The following CDK19 variants were observed in gnomAD, a reference collection of about 807,000 sequenced individuals.
CDK19 encodes cyclin dependent kinase 19.
In CDK19, 20 loss-of-function variants were observed where a neutral mutation model predicts 68.3. The observed-to-expected ratio is 0.29, with a 90% confidence interval of 0.21 to 0.43. The LOEUF (loss-of-function observed/expected upper bound fraction) is 0.43, where lower values mean the gene tolerates loss of function less well. Ranked by LOEUF, CDK19 falls within the 20% of genes least tolerant of loss-of-function variation. The pLI is 1.00. For missense variants in CDK19, 339 were observed against 623.5 expected, an observed-to-expected ratio of 0.54 and a Z score of 4.86; for synonymous variants, 221 against 222.8, an observed-to-expected ratio of 0.99 and a Z score of 0.07.
chr6:110,682,345 G>A (rs913206173), intron 2 of CDK19, among the ~76,000 whole-genome samples: 1 of 152,086 alleles, frequency 6.6e-6, no homozygotes, highest in African/African-American at 2.4e-5. Flanking sequence ...AAGAACTGAA[G>A]GTAAATGAAG....
intron 1 of CDK19, among the ~76,000 whole-genome samples, chr6:110,785,943 G>A (rs1340507591): frequency 2.0e-5 from 3 of 151,134 alleles, no homozygotes. Flanking sequence ...TGAAGCCATT[G>A]CACCCCACCC....
chr6:110,663,636 G>A (rs983088909), intron 4 of CDK19, among the ~76,000 whole-genome samples: 1 of 152,156 alleles, frequency 6.6e-6, no homozygotes, highest in Non-Finnish European at 1.5e-5. Context: ...GGCTAAAGCA[G>A]TCCTCCCACT....
chr6:110,724,748 T>G (rs1776201422), intron 2 of CDK19, among the ~76,000 whole-genome samples: 1 of 152,232 alleles, frequency 6.6e-6, no homozygotes, highest in Admixed American at 6.5e-5. Context: ...AAAAGATCTC[T>G]TCTAAATTTA....
chr6:110,813,681 T>A (rs1371529050), intron 1 of CDK19: 1 of 150,452 alleles, frequency 6.6e-6, no homozygotes, highest in Admixed American at 6.6e-5. Flanking sequence ...CACTTTGCAA[T>A]TTTCACGATA....
chr6:110,777,819 G>A (rs1780517772), intron 1 of CDK19, among the ~76,000 whole-genome samples: 1 of 152,130 alleles, frequency 6.6e-6, no homozygotes, highest in Non-Finnish European at 1.5e-5. Flanking sequence ...TAAAAAGGAG[G>A]GAAATTCTGA....
Position 110,614,591 on chromosome 6 carries a change from A to T in CDK19, c.1453T>A (p.Ser485Thr). Reference protein sequence around the residue: ...SQSQSTLGYSSSSQQSSQYHP... With the variant: ...SQSQSTLGYSTSSQQSSQYHP... ...TACTGTGAGCTCTGCTGAGACGAGG[A>T]AGAGTAGCCAAGTGTGCTCTGGGAC... The change falls in exon 13 of 13, where the codon TCC (serine) becomes ACC (threonine). Residue 485 changes from serine to threonine, a missense_variant. Ser to Thr is a moderately conservative substitution (Grantham distance 58). This residue lies in a region of CDK19 where 155 missense variants were observed against 222.7 expected (regional missense o/e 0.70). Coordinates refer to ENST00000368911, the MANE Select transcript of CDK19 (RefSeq NM_015076.5). The T allele has an allele frequency of 6.2e-7, 1 of 1,613,948 alleles. No individual in the cohort carries two copies. Among genetic ancestry groups the T allele is most frequent in the Non-Finnish European group, 8.5e-7 (1 of 1,179,886 alleles).
chr6:110,762,244 T>C (rs1462975635), intron 1 of CDK19, among the ~76,000 whole-genome samples: 1 of 152,210 alleles, frequency 6.6e-6, no homozygotes, highest in African/African-American at 2.4e-5. Context: ...AAATATTCAC[T>C]GTTTTTGGCC....
At chr6:110,666,599 A>G (rs1039842968) in intron 4 of CDK19, among the ~76,000 whole-genome samples, 2 of 152,134 alleles carry the variant, frequency 1.3e-5, no homozygotes, top group African/African-American at 4.8e-5. Context: ...GATACTAACT[A>G]GATCCTTTCG....
chr6:110,811,543 C>A (rs942229293), intron 1 of CDK19, among the ~76,000 whole-genome samples: 1 of 152,044 alleles, frequency 6.6e-6, no homozygotes, highest in African/African-American at 2.4e-5. Flanking sequence ...CCACGGCGCC[C>A]GGCCAACAAA....
chr6:110,717,609 G>C (rs1312749460), intron 2 of CDK19, among the ~76,000 whole-genome samples: 2 of 152,144 alleles, frequency 1.3e-5, no homozygotes, highest in African/African-American at 2.4e-5. Context: ...AAAATTCCTG[G>C]TTACTATGGT....
chr6:110,760,519 A>G (rs1779162288), intron 1 of CDK19, among the ~76,000 whole-genome samples: 1 of 151,900 alleles, frequency 6.6e-6, no homozygotes, highest in Admixed American at 6.6e-5. Flanking sequence ...CTTGAGCCCA[A>G]GAGTTCAAGA....
At chr6:110,730,986 A>G (rs1582970896) in intron 2 of CDK19, among the ~76,000 whole-genome samples, 1 of 152,214 alleles carries the variant, frequency 6.6e-6, no homozygotes, top group Admixed American at 6.6e-5. Flanking sequence ...TGGGAGGCAG[A>G]GGTTGCAGTG....
intron 10 of CDK19, 116 bp downstream of exon 10, chr6:110,622,699 T>C: frequency 1.4e-6 from 1 of 701,744 alleles, no homozygotes; most frequent in Non-Finnish European, 2.6e-6. Flanking sequence ...GAGCAGTCTT[T>C]AGGTGGTATC....
At chr6:110,662,421 T>C (rs1343110687) in intron 4 of CDK19, among the ~76,000 whole-genome samples, 1 of 152,202 alleles carries the variant, frequency 6.6e-6, no homozygotes, top group Non-Finnish European at 1.5e-5. Flanking sequence ...GTTCAATTTA[T>C]ATCACTGATC....
At chr6:110,734,560 T>TCTCA (rs1474848572) in intron 2 of CDK19, among the ~76,000 whole-genome samples, 3 of 148,602 alleles carry the variant, frequency 2.0e-5, no homozygotes, top group African/African-American at 7.4e-5. Flanking sequence ...TCTCTCTCTC[T>TCTCA]CATGTCTGGG....
At chr6:110,626,932 A>G (rs1779127083) in intron 7 of CDK19, 70 bp downstream of exon 7, 2 of 1,447,808 alleles carry the variant, frequency 1.4e-6, no homozygotes, top group African/African-American at 1.4e-5. Flanking sequence ...ATACATTAAA[A>G]TATGCTTTTG....
intron 2 of CDK19, among the ~76,000 whole-genome samples, chr6:110,732,372 G>T (rs955123535): frequency 6.6e-6 from 1 of 152,102 alleles, no homozygotes; most frequent in Non-Finnish European, 1.5e-5. Flanking sequence ...GTATGGTGGT[G>T]CATGCCTGTA....
intron 1 of CDK19, among the ~76,000 whole-genome samples, chr6:110,756,427 G>A (rs555586634): frequency 6.6e-6 from 1 of 151,476 alleles, no homozygotes; most frequent in East Asian, 1.9e-4. Flanking sequence ...GCTGGGTGTG[G>A]TGGCTCGCCC....
At chr6:110,664,094 C>T (rs779775665) in intron 4 of CDK19, among the ~76,000 whole-genome samples, 3 of 152,176 alleles carry the variant, frequency 2.0e-5, no homozygotes, top group Non-Finnish European at 4.4e-5. Context: ...CTCTAGTAGG[C>T]TCCAACCCAT....
Sources: gnomAD v4.1 joint callset for allele counts (sites outside exome capture counted in the v4.1 genomes callset) on GRCh38, gnomAD v4.1.1 for gene constraint, gnomAD v4.1.1 regional missense constraint, MANE v1.5 for transcripts, NCBI Gene and HGNC (gene_info 2026-07-23, HGNC 2026-07-21) for gene names.